Variants in NTN4 observed in about 807,000 individuals in gnomAD.
The protein encoded by NTN4 is netrin-4.
In NTN4, 32 loss-of-function variants were observed where a neutral mutation model predicts 73.6. That is an observed-to-expected ratio of 0.44 (90% CI 0.33 to 0.58). The LOEUF is 0.58. Among genes scored for constraint, NTN4 ranks in the 20% least tolerant of loss-of-function variants. The pLI is 0.04. For missense variants in NTN4, 654 were observed against 798.3 expected (o/e 0.82, Z 2.18); for synonymous variants, 258 against 287.5 (o/e 0.90, Z 1.04).
chr12:95,688,254 T>C (rs1472176771), intron 5 of NTN4, among the ~76,000 whole-genome samples: 1 of 152,084 alleles, frequency 6.6e-6, no homozygotes, highest in Non-Finnish European at 1.5e-5. Context: ...GAGGTAAGTT[T>C]GGATATGAAA....
In NTN4 at chr12:95,658,642, G is replaced by GT; in HGVS notation, c.*443dup. On this transcript the variant is annotated 3_prime_UTR_variant, in exon 10 of 10. Transcript: ENST00000343702. ...AACACCTACAGACCAAAGTTCATGCGTAACACACAAGAGAAGGCTCTTTAA... is the reference window on the plus strand; with the variant it reads ...AACACCTACAGACCAAAGTTCATGCGTTAACACACAAGAGAAGGCTCTTTAA... 6.5e-6 allele frequency: 1 copy of GT among 153,362 alleles called. No individual in the cohort carries two copies. Among genetic ancestry groups the GT allele is most frequent in the Middle Eastern group, 3.4e-3 (1 of 296 alleles). The allele number at this position is 153,362 out of a possible 1,614,324, so 9.5% of individuals were successfully genotyped here. A position where few individuals can be genotyped will look rare whatever the true frequency, so the allele number is the denominator to read the frequency against.
chr12:95,672,844 G>A, intron 7 of NTN4: 1 of 1,381,106 alleles, frequency 7.2e-7, no homozygotes, highest in Non-Finnish European at 1.0e-6. Flanking sequence ...AGGGAAATGG[G>A]TACTGATTGC....
intron 5 of NTN4, among the ~76,000 whole-genome samples, chr12:95,702,298 C>CA (rs532799870): frequency 0.012 from 1,179 of 100,230 alleles, 15 homozygotes; most frequent in African/African-American, 0.041. Flanking sequence ...AAAAAAAAAA[C>CA]AAAAAAAAAG....
intron 4 of NTN4, among the ~76,000 whole-genome samples, chr12:95,710,986 A>AAAAT (rs750354611): frequency 6.6e-6 from 1 of 152,202 alleles, no homozygotes; most frequent in African/African-American, 2.4e-5. Context: ...CCTCTGTCTC[A>AAAAT]AAATAAATAA....
At chr12:95,696,741 C>G (rs2078445300) in intron 5 of NTN4, among the ~76,000 whole-genome samples, 1 of 152,128 alleles carries the variant, frequency 6.6e-6, no homozygotes, top group Non-Finnish European at 1.5e-5. Context: ...ATACTAGAAA[C>G]AGAAAACCAC....
chr12:95,695,405 C>T (rs1483238120), intron 5 of NTN4, among the ~76,000 whole-genome samples: 1 of 152,114 alleles, frequency 6.6e-6, no homozygotes, highest in Non-Finnish European at 1.5e-5. Context: ...TGCTCTGTCG[C>T]CCAGGCTGGA....
At chr12:95,668,467 A>C (rs1485478582) in intron 8 of NTN4, among the ~76,000 whole-genome samples, 2 of 117,280 alleles carry the variant, frequency 1.7e-5, no homozygotes, top group African/African-American at 6.4e-5. Flanking sequence ...AGCGCTGTAC[A>C]TTTCAAGTTT....
At chr12:95,788,476 G>T (rs2079185093) in intron 1 of NTN4, among the ~76,000 whole-genome samples, 1 of 152,166 alleles carries the variant, frequency 6.6e-6, no homozygotes, top group South Asian at 2.1e-4. Context: ...CATTTTAATT[G>T]TGAATACCTT....
chr12:95,711,636 T>C (rs1047116493), intron 4 of NTN4, among the ~76,000 whole-genome samples: 15 of 152,270 alleles, frequency 9.9e-5, no homozygotes, highest in African/African-American at 3.6e-4. Context: ...TGGACTCCTA[T>C]TGAAGCCTCA....
intron 8 of NTN4, among the ~76,000 whole-genome samples, chr12:95,669,715 C>T (rs375259637): frequency 2.6e-4 from 40 of 152,314 alleles, no homozygotes; most frequent in East Asian, 1.9e-3. Context: ...GTACGACAAA[C>T]GAACACAAGA....
At chr12:95,684,587 G>A (rs540219227) in intron 5 of NTN4, among the ~76,000 whole-genome samples, 4 of 151,840 alleles carry the variant, frequency 2.6e-5, no homozygotes, top group Admixed American at 1.3e-4. Context: ...GGCTACAGGC[G>A]TGAGACACTG....
intron 7 of NTN4, among the ~76,000 whole-genome samples, chr12:95,677,918 A>G (rs1273571758): frequency 6.6e-6 from 1 of 152,230 alleles, no homozygotes; most frequent in African/African-American, 2.4e-5. Flanking sequence ...TTACAATAGC[A>G]AAGACTTGGA....
intron 9 of NTN4, among the ~76,000 whole-genome samples, chr12:95,664,676 G>A (rs755841262): frequency 2.0e-5 from 3 of 151,804 alleles, no homozygotes; most frequent in South Asian, 2.1e-4. Flanking sequence ...ACAGTGGTGC[G>A]ATCTCAGCTC....
chr12:95,761,326 C>CTTT (rs397969115), intron 2 of NTN4, among the ~76,000 whole-genome samples: 2 of 133,168 alleles, frequency 1.5e-5, no homozygotes, highest in Non-Finnish European at 1.5e-5. Flanking sequence ...AAGAGATATT[C>CTTT]TTTTTTTTTT....
At chr12:95,697,985 T>C (rs2078454919) in intron 5 of NTN4, among the ~76,000 whole-genome samples, 1 of 152,198 alleles carries the variant, frequency 6.6e-6, no homozygotes, top group African/African-American at 2.4e-5. Flanking sequence ...CACTACAGTA[T>C]AACAACTATT....
chr12:95,699,844 C>T (rs1014248673), intron 5 of NTN4, among the ~76,000 whole-genome samples: 7 of 152,150 alleles, frequency 4.6e-5, no homozygotes, highest in African/African-American at 1.7e-4. Context: ...GCATGCCAAT[C>T]TTTCAAGAGG....
chr12:95,718,260 C>T lies in NTN4; in HGVS notation c.865-4922G>A, dbSNP rs535075464. On this transcript the variant is annotated intron_variant, in intron 3 of 9. Transcript: ENST00000343702. ...TTTAGATTCATAACTGGAAGATACA[C>T]GGGACTTGCCTAGAAAAGCTGCTTT... Among the ~76,000 whole-genome samples the T allele has an allele frequency of 2.0e-4, 31 of 152,250 alleles. No individual in the cohort carries two copies. The East Asian group carries it at 4.1e-3, about 20-fold the overall frequency.
chr12:95,683,740 A>C, intron 5 of NTN4, 29 bp from the exon 6 acceptor site: 1 of 1,541,698 alleles, frequency 6.5e-7, no homozygotes, highest in Non-Finnish European at 8.8e-7. Flanking sequence ...GCAAGGATCA[A>C]AGACTGACTG....
intron 1 of NTN4, 65 bp from the exon 2 acceptor site, chr12:95,787,533 G>T: frequency 1.3e-6 from 2 of 1,507,332 alleles, no homozygotes; most frequent in Middle Eastern, 2.4e-4. Flanking sequence ...TGGCCACCTA[G>T]TCCATCAACA....
Sources: gnomAD v4.1 joint callset for allele counts (sites outside exome capture counted in the v4.1 genomes callset) on GRCh38, gnomAD v4.1.1 for gene constraint, MANE v1.5 for transcripts, NCBI Gene and HGNC (gene_info 2026-07-23, HGNC 2026-07-21) for gene names.